The following BMPR1A variants were observed in gnomAD, a reference collection of about 807,000 sequenced individuals.
BMPR1A encodes bone morphogenetic protein receptor type-1A.
Under a neutral mutation model 66.0 loss-of-function variants are expected in BMPR1A, and 7 were observed. The ratio of observed to expected loss-of-function variants is 0.11; its 90% CI spans 0.06 to 0.20. The LOEUF (loss-of-function observed/expected upper bound fraction) is 0.20, where lower values mean the gene tolerates loss of function less well. Ranked by LOEUF, BMPR1A falls within the 10% of genes least tolerant of loss-of-function variation. The pLI is 1.00. For synonymous variants in BMPR1A, 200 were observed against 229.7 expected (o/e 0.87, Z 1.17); for missense variants, 408 against 669.1 (o/e 0.61, Z 4.31).
At chr10:86,840,392 C>T (rs1842409761) in intron 2 of BMPR1A, among the ~76,000 whole-genome samples, 1 of 151,980 alleles carries the variant, frequency 6.6e-6, no homozygotes, top group African/African-American at 2.4e-5. Flanking sequence ...TTTTTTCTTT[C>T]TCAGTTCTTT....
intron 8 of BMPR1A, among the ~76,000 whole-genome samples, chr10:86,914,733 C>G (rs1029464180): frequency 6.6e-6 from 1 of 152,128 alleles, no homozygotes; most frequent in Non-Finnish European, 1.5e-5. Flanking sequence ...TGTAGATCAA[C>G]TAGAAATCTC....
intron 2 of BMPR1A, chr10:86,855,932 T>G: frequency 3.1e-6 from 2 of 644,292 alleles, no homozygotes; most frequent in East Asian, 5.4e-5. Flanking sequence ...ATCTGATGTT[T>G]TAATGGCTTT....
chr10:86,855,684 C>T, intron 2 of BMPR1A: 1 of 716,048 alleles, frequency 1.4e-6, no homozygotes, highest in Non-Finnish European at 2.5e-6. Flanking sequence ...CCTAACTGCT[C>T]AGTGACATCC....
chr10:86,923,226 C>T (rs767798877), intron 11 of BMPR1A, 150 bp from the exon 12 acceptor site: 8 of 953,880 alleles, frequency 8.4e-6, no homozygotes, highest in African/African-American at 8.1e-5. Flanking sequence ...GAAAAACATA[C>T]ATCTACTATT....
chr10:86,773,048 G>A (rs747797681), intron 1 of BMPR1A, among the ~76,000 whole-genome samples: 11 of 151,804 alleles, frequency 7.2e-5, no homozygotes, highest in Admixed American at 2.0e-4. Context: ...TGGAATATAA[G>A]GAACTTGAAA....
At chr10:86,844,024 T>G (rs900068734) in intron 2 of BMPR1A, among the ~76,000 whole-genome samples, 2 of 152,300 alleles carry the variant, frequency 1.3e-5, no homozygotes, top group Admixed American at 1.3e-4. Context: ...CGCCTGAATT[T>G]TGAGCCTGGA....
rs759424209 is a variant in BMPR1A at position 86,884,394 on chromosome 10, A to ATTTTTTTTTTT, written c.68-5641_68-5631dup. Among the ~76,000 whole-genome samples, 32 of 49,344 alleles carry ATTTTTTTTTTT rather than the reference A, an allele frequency of 6.5e-4. 7 individuals carry two copies. The highest frequency in any genetic ancestry group is 9.9e-4 in the Non-Finnish European group (22 of 22,326). The allele number at this position is 49,344 out of a possible 152,430, so 32.4% of individuals were successfully genotyped here. On this transcript the variant is annotated intron_variant, in intron 3 of 12. Transcript: ENST00000372037. ...AGCCACCATGCCTGGCAAACACATGATTTTTTTTTTTTTTTTTTTTTTTTT... is the reference window on the plus strand; with the variant it reads ...AGCCACCATGCCTGGCAAACACATGATTTTTTTTTTTTTTTTTTTTTTTTTTTTTTTTTTTT...
At chr10:86,798,527 G>A (rs1419584331) in intron 1 of BMPR1A, among the ~76,000 whole-genome samples, 1 of 152,154 alleles carries the variant, frequency 6.6e-6, no homozygotes. Flanking sequence ...AGAAAAATGA[G>A]TGGCTTTTAA....
At chr10:86,874,883 C>A (rs1423159724) in intron 2 of BMPR1A, among the ~76,000 whole-genome samples, 3 of 151,204 alleles carry the variant, frequency 2.0e-5, no homozygotes, top group Non-Finnish European at 4.4e-5. Flanking sequence ...CACCACCATG[C>A]CTGGCTAATT....
intron 1 of BMPR1A, among the ~76,000 whole-genome samples, chr10:86,773,512 GAACCC>G (rs1165121319): frequency 1.3e-5 from 2 of 148,384 alleles, no homozygotes; most frequent in Non-Finnish European, 3.0e-5. Context: ...AGAATCACTT[GAACCC>G]GGGAGGTGGA....
intron 1 of BMPR1A, among the ~76,000 whole-genome samples, chr10:86,760,240 C>CTTTTTTTTTTTTT (rs1841025806): frequency 5.7e-5 from 1 of 17,496 alleles, no homozygotes; most frequent in African/African-American, 2.3e-4. Flanking sequence ...TTCTTTCTTT[C>CTTTTTTTTTTTTT]TTTCTTTCTT....
At chr10:86,848,056 C>T (rs1347025034) in intron 2 of BMPR1A, among the ~76,000 whole-genome samples, 1 of 151,974 alleles carries the variant, frequency 6.6e-6, no homozygotes, top group Non-Finnish European at 1.5e-5. Context: ...CTCAGCCTCC[C>T]AAGTAGCTGG....
intron 7 of BMPR1A, among the ~76,000 whole-genome samples, chr10:86,906,134 A>G (rs1311776594): frequency 2.0e-5 from 3 of 152,146 alleles, no homozygotes; most frequent in African/African-American, 4.8e-5. Flanking sequence ...TTCACTGGCT[A>G]TAGAATTCTG....
intron 1 of BMPR1A, among the ~76,000 whole-genome samples, chr10:86,772,428 C>A (rs1388157438): frequency 6.6e-6 from 1 of 152,094 alleles, no homozygotes; most frequent in Non-Finnish European, 1.5e-5. Flanking sequence ...CCGCGCCCGG[C>A]CAGAGATAGA....
intron 1 of BMPR1A, among the ~76,000 whole-genome samples, chr10:86,799,139 C>CA (rs1165260399): frequency 6.6e-6 from 1 of 152,036 alleles, no homozygotes; most frequent in Non-Finnish European, 1.5e-5. Flanking sequence ...TATTGTCCTT[C>CA]AAAATCTTTA....
At chr10:86,824,816 C>T (rs1184663719) in intron 1 of BMPR1A, among the ~76,000 whole-genome samples, 2 of 152,068 alleles carry the variant, frequency 1.3e-5, no homozygotes, top group African/African-American at 4.8e-5. Context: ...ATAACCTATA[C>T]ATCCTTAAGG....
chr10:86,778,882 TC>T, intron 1 of BMPR1A, among the ~76,000 whole-genome samples: 1 of 152,128 alleles, frequency 6.6e-6, no homozygotes, highest in East Asian at 1.9e-4. Flanking sequence ...GTCTTCCAGT[TC>T]CATCCATATT....
chr10:86,770,839 A>G (rs1841247160), intron 1 of BMPR1A, among the ~76,000 whole-genome samples: 1 of 152,204 alleles, frequency 6.6e-6, no homozygotes, highest in African/African-American at 2.4e-5. Context: ...TAGAGAAACA[A>G]TTGTTTCTTG....
intron 5 of BMPR1A, among the ~76,000 whole-genome samples, chr10:86,893,121 G>A (rs953829257): frequency 6.6e-6 from 1 of 152,042 alleles, no homozygotes; most frequent in Non-Finnish European, 1.5e-5. Flanking sequence ...ACACTTATTT[G>A]TAGATTATAA....
Sources: gnomAD v4.1 joint callset for allele counts (sites outside exome capture counted in the v4.1 genomes callset) on GRCh38, gnomAD v4.1.1 for gene constraint, MANE v1.5 for transcripts, NCBI Gene and HGNC (gene_info 2026-07-23, HGNC 2026-07-21) for gene names.